Variants in FAM169A observed in about 807,000 individuals in gnomAD.
FAM169A encodes soluble lamin-associated protein of 75 kDa.
A neutral mutation model predicts 75.7 loss-of-function variants in FAM169A; 24 were observed. That is an observed-to-expected ratio of 0.32 (90% CI 0.23 to 0.45). The LOEUF is 0.45. Among genes scored for constraint, FAM169A ranks in the 20% least tolerant of loss-of-function variants. The pLI is 1.00. For missense variants in FAM169A, 673 were observed against 784.0 expected, an observed-to-expected ratio of 0.86 and a Z score of 1.69; for synonymous variants, 271 against 271.0, an observed-to-expected ratio of 1.00 and a Z score of 0.00.
chr5:74,829,006 T>C (rs969640819), intron 5 of FAM169A, among the ~76,000 whole-genome samples: 8 of 152,246 alleles, frequency 5.3e-5, no homozygotes, highest in Admixed American at 3.9e-4. Flanking sequence ...GTATGACTTA[T>C]ACAGACTTTG....
chr5:74,818,496 T>C (rs1020424312), intron 5 of FAM169A, among the ~76,000 whole-genome samples: 1 of 151,986 alleles, frequency 6.6e-6, no homozygotes, highest in Non-Finnish European at 1.5e-5. Context: ...TTCTACACCA[T>C]AAAAAAGTTA....
In FAM169A at chr5:74,840,003, T is replaced by C. The variant is rs562373553; in HGVS notation, c.232+71A>G. ...AAAAAACCAAATTCCTTCATGTAGC[T>C]ACCTTTTAAATAAATTTCTAACAGT... On this transcript the variant is annotated intron_variant, in intron 3 of 12. Coordinates refer to ENST00000687041, the MANE Select transcript of FAM169A (RefSeq NM_001376049.1). 10 of 768,118 alleles carry C rather than the reference T, an allele frequency of 1.3e-5. No individual in the cohort carries two copies. In the African/African-American group the frequency reaches 1.8e-4, roughly 14 times the overall value. 47.6% of individuals were successfully genotyped at this position (768,118 alleles called of 1,614,324 possible).
rs556002392 is a variant in FAM169A at position 74,796,307 on chromosome 5, T to C, written c.1104-121A>G. 8.1e-6 allele frequency: 7 copies of C among 865,626 alleles called. No individual in the cohort carries two copies. In the South Asian group the frequency reaches 1.4e-4, roughly 17 times the overall value. The allele number at this position is 865,626 out of a possible 1,614,324, so 53.6% of individuals were successfully genotyped here. On this transcript the variant is annotated intron_variant, in intron 10 of 12. Transcript: ENST00000687041. ...CTATGTTGTCAACAACTTCAGATTT[T>C]ACAAGTCTAAAACCAATCTCTTCAT...
chr5:74,846,297 T>C lies in FAM169A; in HGVS notation c.-3-4618A>G, dbSNP rs539820835. On this transcript the variant is annotated intron_variant, in intron 1 of 12. Transcript: ENST00000687041. Reference sequence around the variant, plus strand: ...TTAAATTTTCATTTACTAAGAGCAATTGTAATCTAAAGAATGAAATGCAAA... The same window carrying C: ...TTAAATTTTCATTTACTAAGAGCAACTGTAATCTAAAGAATGAAATGCAAA... 6.6e-5 allele frequency among the ~76,000 whole-genome samples: 10 copies of C among 152,322 alleles called. No homozygotes were observed. The East Asian group carries it at 9.6e-4, about 15-fold the overall frequency.
At chr5:74,846,574 A>G (rs1052045139) in intron 1 of FAM169A, among the ~76,000 whole-genome samples, 2 of 152,230 alleles carry the variant, frequency 1.3e-5, no homozygotes, top group Admixed American at 1.3e-4. Flanking sequence ...ACTGAAAAGG[A>G]GAAAATTCTA....
At chr5:74,787,225 T>A (rs1392479085) in intron 11 of FAM169A, among the ~76,000 whole-genome samples, 6 of 152,228 alleles carry the variant, frequency 3.9e-5, no homozygotes, top group Admixed American at 3.9e-4. Flanking sequence ...TCGATCAGGC[T>A]GAATTTATTG....
intron 5 of FAM169A, among the ~76,000 whole-genome samples, chr5:74,824,698 TACAC>T (rs371791199): frequency 8.1e-6 from 1 of 123,884 alleles, no homozygotes; most frequent in South Asian, 2.3e-4. Context: ...ACTTTCCTGA[TACAC>T]ACACATACAC....
chr5:74,790,486 G>A (rs1745920294), intron 11 of FAM169A, among the ~76,000 whole-genome samples: 1 of 152,212 alleles, frequency 6.6e-6, no homozygotes, highest in Non-Finnish European at 1.5e-5. Context: ...ACAAATTTGG[G>A]GAAGAGGTAT....
At chr5:74,794,495 G>C (rs1413386563) in intron 11 of FAM169A, among the ~76,000 whole-genome samples, 2 of 151,634 alleles carry the variant, frequency 1.3e-5, no homozygotes, top group African/African-American at 4.8e-5. Flanking sequence ...GGGAGGCCAA[G>C]AGGAGCAGAT....
intron 11 of FAM169A, among the ~76,000 whole-genome samples, chr5:74,788,039 T>C (rs1230395792): frequency 1.3e-5 from 2 of 152,172 alleles, no homozygotes; most frequent in South Asian, 2.1e-4. Flanking sequence ...AGGAGACCTC[T>C]GGCCTTTTAC....
chr5:74,805,703 G>C (rs1381430782), intron 6 of FAM169A, among the ~76,000 whole-genome samples: 1 of 150,972 alleles, frequency 6.6e-6, no homozygotes, highest in Admixed American at 6.6e-5. Context: ...GCCAATTTTT[G>C]TTAAAAAAGT....
At chr5:74,797,317 C>T (rs1225361542) in intron 10 of FAM169A, among the ~76,000 whole-genome samples, 2 of 152,160 alleles carry the variant, frequency 1.3e-5, no homozygotes, top group African/African-American at 4.8e-5. Context: ...GCTGGGATTA[C>T]AGAAGTGTGC....
chr5:74,813,890 G>C lies in FAM169A; in HGVS notation c.620C>G (p.Thr207Arg). 6.2e-7 allele frequency: 1 copy of C among 1,608,272 alleles called. No homozygotes were observed. The highest frequency in any genetic ancestry group is 1.3e-5 in the African/African-American group (1 of 74,736). The change falls in exon 6 of 13, where the codon ACA becomes AGA. Residue 207 changes from threonine (T) to arginine (R), a missense_variant. Physicochemically the swap from Thr to Arg is moderately conservative, Grantham distance 71. Transcript: ENST00000687041. ...ATACCGCAAGCCAAGCGCATCTTCT[G>C]TAAAGGAATCAACAAAGTCCTCCAG... ...HMLEDFVDSF[T>R]EDALGLRYPL...
At chr5:74,859,639 A>G (rs954874656) in intron 1 of FAM169A, among the ~76,000 whole-genome samples, 16 of 152,148 alleles carry the variant, frequency 1.1e-4, no homozygotes, top group Admixed American at 4.6e-4. Flanking sequence ...TGGTTATACT[A>G]TATCTCATGT....
chr5:74,842,631 A>G (rs1247600299), intron 1 of FAM169A, among the ~76,000 whole-genome samples: 1 of 150,810 alleles, frequency 6.6e-6, no homozygotes, highest in Non-Finnish European at 1.5e-5. Flanking sequence ...TCTTGGGCTC[A>G]AGCAATTCTT....
At chr5:74,851,589 A>C (rs534548349) in intron 1 of FAM169A, among the ~76,000 whole-genome samples, 3 of 152,212 alleles carry the variant, frequency 2.0e-5, no homozygotes, top group Non-Finnish European at 4.4e-5. Flanking sequence ...TAGATATTTA[A>C]GAGAGAAAGA....
chr5:74,814,687 A>G (rs1297019026), intron 5 of FAM169A, among the ~76,000 whole-genome samples: 1 of 152,166 alleles, frequency 6.6e-6, no homozygotes, highest in Non-Finnish European at 1.5e-5. Context: ...TGTAGTTTCT[A>G]TATATCTCTC....
chr5:74,778,154 C>CA lies in FAM169A; in HGVS notation c.*3305dup, dbSNP rs1191491928. ...ACCAAAAATACTATCTTGTAAGGTA[C>CA]AAAGAAAGCTTGATATTAAGTATGA... On this transcript the variant is annotated 3_prime_UTR_variant, in exon 13 of 13. Transcript: ENST00000687041. 1.3e-5 allele frequency: 2 copies of CA among 151,716 alleles called. No individual in the cohort carries two copies. The highest frequency in any genetic ancestry group is 3.9e-4 in the East Asian group (2 of 5,184). The allele number at this position is 151,716 out of a possible 1,614,324, so 9.4% of individuals were successfully genotyped here. A position where few individuals can be genotyped will look rare whatever the true frequency, so the allele number is the denominator to read the frequency against.
intron 1 of FAM169A, among the ~76,000 whole-genome samples, chr5:74,850,471 T>C (rs1296294739): frequency 6.6e-6 from 1 of 152,212 alleles, no homozygotes; most frequent in Non-Finnish European, 1.5e-5. Flanking sequence ...GTATTTGGTA[T>C]GTTTTAGGCC....
Sources: allele counts gnomAD v4.1 joint callset (sites outside exome capture counted in the v4.1 genomes callset), GRCh38; gene constraint gnomAD v4.1.1; transcripts MANE v1.5; gene names NCBI Gene and HGNC (gene_info 2026-07-23, HGNC 2026-07-21).